INSR: variants seen among roughly 807,000 people sequenced by gnomAD.
INSR encodes IR.
A neutral mutation model predicts 142.6 loss-of-function variants in INSR; 67 were observed. That is an observed-to-expected ratio of 0.47 (90% CI 0.39 to 0.58). INSR has a LOEUF of 0.58. INSR is among the 20% of genes least tolerant of loss of function. The pLI is 0.00. For missense variants in INSR, 1,248 were observed against 1,833.2 expected, an observed-to-expected ratio of 0.68 and a Z score of 5.83; for synonymous variants, 756 against 743.1, an observed-to-expected ratio of 1.02 and a Z score of -0.28.
chr19:7,260,150 A>G (rs920466923), intron 2 of INSR, among the ~76,000 whole-genome samples: 2 of 152,222 alleles, frequency 1.3e-5, no homozygotes, highest in Non-Finnish European at 2.9e-5. Flanking sequence ...AATACGTGAT[A>G]TTTAATGTGG....
chr19:7,130,216 TAC>T (rs1432035908), intron 14 of INSR, among the ~76,000 whole-genome samples: 2 of 152,208 alleles, frequency 1.3e-5, no homozygotes, highest in Non-Finnish European at 2.9e-5. Context: ...CATGGAATAC[TAC>T]ACAGCCATGA....
Position 7,137,148 on chromosome 19 carries a change from T to C in INSR, c.2682+4529A>G, listed in dbSNP as rs1972949633. Among the ~76,000 whole-genome samples the C allele has an allele frequency of 3.3e-5, 5 of 152,078 alleles. No homozygotes were observed. The South Asian group carries it at 1.0e-3, about 32-fold the overall frequency. On this transcript the variant is annotated intron_variant, in intron 13 of 21. Transcript: ENST00000302850. ...CTCCTGGCCTAAAACTTTATTTTTA[T>C]GTGCACAATTTATACTGTTGGAGTG...
chr19:7,261,491 T>C (rs1042714124), intron 2 of INSR, among the ~76,000 whole-genome samples: 2 of 152,120 alleles, frequency 1.3e-5, no homozygotes, highest in Non-Finnish European at 2.9e-5. Flanking sequence ...CATTAGCACA[T>C]GCCATGTTTT....
intron 2 of INSR, among the ~76,000 whole-genome samples, chr19:7,195,129 G>A (rs1213230271): frequency 6.6e-6 from 1 of 152,182 alleles, no homozygotes; most frequent in Admixed American, 6.6e-5. Flanking sequence ...GTATATGCAT[G>A]TCTTGGGTAC....
intron 2 of INSR, among the ~76,000 whole-genome samples, chr19:7,253,547 A>G (rs764074503): frequency 1.8e-4 from 28 of 151,988 alleles, no homozygotes; most frequent in Non-Finnish European, 4.0e-4. Flanking sequence ...TGCAAATTTG[A>G]TGATCATGCT....
intron 2 of INSR, among the ~76,000 whole-genome samples, chr19:7,197,516 G>GGGTGTGTGTGTGTGTGTGT (rs1974790392): frequency 7.1e-5 from 5 of 70,856 alleles, no homozygotes; most frequent in Admixed American, 4.4e-4. Flanking sequence ...TGGGAGTGGG[G>GGGTGTGTGTGTGTGTGTGT]GTGTGTGTGT....
chr19:7,133,349 G>T (rs1972831879), intron 13 of INSR, among the ~76,000 whole-genome samples: 1 of 152,200 alleles, frequency 6.6e-6, no homozygotes, highest in African/African-American at 2.4e-5. Flanking sequence ...ATTGTGGAAT[G>T]ATTAAAACAA....
chr19:7,112,668 C>G lies in INSR; in HGVS notation c.*4388G>C, dbSNP rs1000581522. 2.0e-5 allele frequency: 3 copies of G among 152,164 alleles called. No homozygotes were observed. The South Asian group carries it at 6.2e-4, about 32-fold the overall frequency. 9.4% of individuals were successfully genotyped at this position (152,164 alleles called of 1,614,324 possible). On this transcript the variant is annotated 3_prime_UTR_variant, in exon 22 of 22. Coordinates refer to ENST00000302850, the MANE Select transcript of INSR (RefSeq NM_000208.4). ...TGATCTGGTTTTTAACAAGGATTTTCAGTGGCCCGCACCCAGATAGAAATT... is the reference window on the plus strand; with the variant it reads ...TGATCTGGTTTTTAACAAGGATTTTGAGTGGCCCGCACCCAGATAGAAATT...
At chr19:7,204,436 G>A (rs547742522) in intron 2 of INSR, among the ~76,000 whole-genome samples, 40 of 152,136 alleles carry the variant, frequency 2.6e-4, no homozygotes, top group African/African-American at 8.9e-4. Context: ...TCATGGCCTC[G>A]TTTTCCCGGG....
intron 17 of INSR, among the ~76,000 whole-genome samples, chr19:7,124,541 G>GAAA (rs531613079): frequency 1.0e-4 from 1 of 9,924 alleles, no homozygotes; most frequent in Non-Finnish European, 1.6e-4. Flanking sequence ...TCCGTTTCAG[G>GAAA]AAAAAAAAAA....
intron 11 of INSR, among the ~76,000 whole-genome samples, chr19:7,148,259 T>C (rs1168296232): frequency 6.6e-6 from 1 of 151,976 alleles, no homozygotes; most frequent in Non-Finnish European, 1.5e-5. Context: ...CACACTAACC[T>C]GGTCATCTCA....
Position 7,216,571 on chromosome 19 carries a change from T to C in INSR, c.653-31934A>G, listed in dbSNP as rs1050292814. 1.3e-5 allele frequency among the ~76,000 whole-genome samples: 2 copies of C among 152,082 alleles called. No homozygotes were observed. Among genetic ancestry groups the C allele is most frequent in the Non-Finnish European group, 2.9e-5 (2 of 68,008 alleles). The stretch of plus-strand genomic sequence containing the variant: ...GCAGGCCCCTTGTATCCAGGGGGTC[T>C]GGGAAGGAACAAATTGCCACGGTGT... On this transcript the variant is annotated intron_variant, in intron 2 of 21. Coordinates refer to ENST00000302850, the MANE Select transcript of INSR (RefSeq NM_000208.4). The surrounding 1 kb of genome is among the most constrained non-coding windows in gnomAD (Gnocchi z 4.2).
At chr19:7,178,098 C>T (rs112119525) in intron 3 of INSR, among the ~76,000 whole-genome samples, 23 of 152,074 alleles carry the variant, frequency 1.5e-4, no homozygotes, top group African/African-American at 5.5e-4. Flanking sequence ...TTCAACTCTT[C>T]AGAGTGATTT....
At position 7,125,419 on chromosome 19, in the gene INSR, T is replaced by C; in HGVS notation, c.3122A>G (p.Asn1041Ser). Residue 1041 changes from asparagine (N) to serine (S), a missense_variant, in exon 17 of 22, where the codon AAT becomes AGT. Physicochemically the swap from Asn to Ser is conservative, Grantham distance 46. This residue lies in a region of INSR where 1,069 missense variants were observed against 1,654.0 expected (regional missense o/e 0.65). Transcript: ENST00000302850. This position sits in a 1 kb window ranked among gnomAD's most constrained non-coding sequence, Gnocchi z 4.9. ...CTCACCCTTGATGATGTCCCTGGCA[T>C]TGCCCTCATACACCATGCCGAAGGA... ...QGSFGMVYEG[N>S]ARDIIKGEAE... is the part of the protein sequence containing the mutation. 1 of 1,614,134 alleles carries C rather than the reference T, an allele frequency of 6.2e-7. No individual in the cohort carries two copies. Among genetic ancestry groups the C allele is most frequent in the Non-Finnish European group, 8.5e-7 (1 of 1,180,022 alleles).
Position 7,163,129 on chromosome 19 carries a change from T to G in INSR, c.1932A>C (p.Pro644=), listed in dbSNP as rs2245655. The change falls in exon 9 of 22, where the codon CCA becomes CCC. Residue 644 remains proline, a synonymous_variant. Transcript: ENST00000302850. ...SSSQIILKWK[P]PSDPNGNITH... ...TGATGTTGCCATTGGGGTCGGAGGG[T>G]GGTTTCCACTTCAGAATAATCTGGG... 151,159 of 1,612,524 alleles carry G rather than the reference T, an allele frequency of 0.094. 9,600 individuals are homozygous for G. Among genetic ancestry groups the G allele is most frequent in the African/African-American group, 0.25 (18,452 of 74,812 alleles).
chr19:7,178,550 C>T (rs1439157586), intron 3 of INSR, among the ~76,000 whole-genome samples: 3 of 152,080 alleles, frequency 2.0e-5, no homozygotes, highest in Non-Finnish European at 2.9e-5. Flanking sequence ...GAAACCCTGT[C>T]TCTACTAAAA....
chr19:7,146,246 T>C (rs1022340383), intron 11 of INSR, among the ~76,000 whole-genome samples: 1 of 148,470 alleles, frequency 6.7e-6, no homozygotes, highest in African/African-American at 2.5e-5. Context: ...CTTTTTTTTT[T>C]TTTTTTTTTT....
chr19:7,265,846 T>G (rs1255975039), intron 2 of INSR, among the ~76,000 whole-genome samples: 3 of 152,170 alleles, frequency 2.0e-5, no homozygotes, highest in Middle Eastern at 3.2e-3. Context: ...AATCCAGCTC[T>G]GAACTCCATA....
At chr19:7,272,966 A>C (rs1045674519) in intron 1 of INSR, among the ~76,000 whole-genome samples, 1 of 152,224 alleles carries the variant, frequency 6.6e-6, no homozygotes, top group African/African-American at 2.4e-5. Flanking sequence ...GACAGAAAAT[A>C]GATTCGTGGC....
Sources: gnomAD v4.1 joint callset for allele counts (sites outside exome capture counted in the v4.1 genomes callset) on GRCh38, gnomAD v4.1.1 for gene constraint, gnomAD v4.1.1 regional missense constraint, Gnocchi (gnomAD v3.1) non-coding constraint, MANE v1.5 for transcripts, NCBI Gene and HGNC (gene_info 2026-07-23, HGNC 2026-07-21) for gene names.